FLT1: variants seen among roughly 807,000 people sequenced by gnomAD.
The protein encoded by FLT1 is vascular endothelial growth factor receptor 1.
In FLT1, 49 loss-of-function variants were observed where a neutral mutation model predicts 156.3. The ratio of observed to expected loss-of-function variants is 0.31; its 90% confidence interval spans 0.25 to 0.40. FLT1 has a LOEUF of 0.40. FLT1 is among the 10% of genes least tolerant of loss of function. The pLI is 1.00. For missense variants in FLT1, 1,322 were observed against 1,637.2 expected (o/e 0.81, Z 3.32); for synonymous variants, 594 against 583.8 (o/e 1.02, Z -0.25).
chr13:28,363,622 CTTT>C (rs921224512), intron 14 of FLT1, among the ~76,000 whole-genome samples: 1 of 146,440 alleles, frequency 6.8e-6, no homozygotes, highest in Admixed American at 6.9e-5. Context: ...TATATTTATC[CTTT>C]TTTTTTTTGA....
intron 4 of FLT1, 148 bp from the exon 5 acceptor site, chr13:28,434,368 C>A (rs1877901827): frequency 1.4e-6 from 1 of 733,702 alleles, no homozygotes; most frequent in African/African-American, 1.8e-5. Context: ...AGGTTAAAAA[C>A]TCTAGTTTGT....
intron 10 of FLT1, among the ~76,000 whole-genome samples, chr13:28,421,234 G>A (rs185402444): frequency 2.0e-4 from 31 of 152,028 alleles, no homozygotes; most frequent in African/African-American, 7.2e-4. Flanking sequence ...TTTTGCAAGC[G>A]GTTCCTTGAG....
Position 28,427,810 on chromosome 13 carries a change from C to A in FLT1, c.1218G>T (p.Leu406Phe). ...TEEDAGNYTI[L>F]LSIKQSNVFK... ...ACACATTTGACTGTTTTATGCTCAG[C>A]AAGATTGTATAATTCCCTGCATCCT... The change falls in exon 9 of 30, where the codon TTG (leucine) becomes TTT (phenylalanine). Residue 406 changes from leucine to phenylalanine, a missense_variant. Leu to Phe is a conservative substitution (Grantham distance 22). This residue lies in a region of FLT1 where 991 missense variants were observed against 1,254.8 expected (regional missense o/e 0.79). Coordinates refer to ENST00000282397, the MANE Select transcript of FLT1 (RefSeq NM_002019.4). The A allele has an allele frequency of 1.2e-6, 2 of 1,613,920 alleles. No homozygotes were observed. Among genetic ancestry groups the A allele is most frequent in the Non-Finnish European group, 1.7e-6 (2 of 1,179,848 alleles).
rs1279393472 is a variant in FLT1, at chr13:28,321,444, A to T, written c.3174+19T>A. 23 of 1,613,276 alleles carry T rather than the reference A, an allele frequency of 1.4e-5. No individual in the cohort carries two copies. The highest frequency in any genetic ancestry group is 1.8e-5 in the Non-Finnish European group (21 of 1,179,774). ...GTGATAGGACACACATGAGTCAAAT[A>T]AACATCAAACTGACTTACATCTCCT... On this transcript the variant is annotated intron_variant, in intron 23 of 29. Transcript: ENST00000282397.
chr13:28,318,218 C>T (rs1871283774), intron 24 of FLT1, among the ~76,000 whole-genome samples: 1 of 152,162 alleles, frequency 6.6e-6, no homozygotes, highest in South Asian at 2.1e-4. Context: ...CACTTTCTTG[C>T]AACCTTCCTA....
At chr13:28,345,409 G>T (rs1445484869) in intron 16 of FLT1, 36 bp downstream of exon 16, 2 of 1,311,078 alleles carry the variant, frequency 1.5e-6, no homozygotes, top group African/African-American at 1.5e-5. Context: ...TAGAATATAT[G>T]TAAAAAGGAG....
chr13:28,425,410 T>C (rs893093338), intron 10 of FLT1, among the ~76,000 whole-genome samples: 1 of 152,166 alleles, frequency 6.6e-6, no homozygotes, highest in Non-Finnish European at 1.5e-5. Context: ...GCGAACTTAT[T>C]CCATCACACA....
At chr13:28,461,689 G>T (rs776512089) in intron 3 of FLT1, among the ~76,000 whole-genome samples, 6 of 150,952 alleles carry the variant, frequency 4.0e-5, no homozygotes, top group East Asian at 1.9e-4. Flanking sequence ...CTTGCTCAAG[G>T]TTTCATAGCC....
chr13:28,328,675 G>C (rs1024772677), intron 19 of FLT1, among the ~76,000 whole-genome samples: 1 of 152,232 alleles, frequency 6.6e-6, no homozygotes, highest in East Asian at 1.9e-4. Flanking sequence ...TACGGCGGCA[G>C]ATGCCGCAGA....
chr13:28,385,490 T>C, intron 13 of FLT1: 1 of 1,009,720 alleles, frequency 9.9e-7, no homozygotes. Flanking sequence ...TGGGGGCGTG[T>C]TTGTGTTACT....
rs1267619240 is a variant in FLT1, at chr13:28,339,304, A to G, written c.2356-4T>C. 1 of 1,612,634 alleles carries G rather than the reference A, an allele frequency of 6.2e-7. No homozygotes were observed. The highest frequency in any genetic ancestry group is 8.5e-7 in the Non-Finnish European group (1 of 1,179,142). ...CAGTCTTTATTTCAGAAGAAGACTG[A>G]GAAATAAAGAGATCTCAAAGTCATC... On this transcript the variant is annotated splice_polypyrimidine_tract_variant and splice_region_variant and intron_variant, in intron 16 of 29. Coordinates refer to ENST00000282397, the MANE Select transcript of FLT1 (RefSeq NM_002019.4).
chr13:28,334,491 C>T (rs1354241574), intron 17 of FLT1, among the ~76,000 whole-genome samples: 10 of 152,310 alleles, frequency 6.6e-5, no homozygotes, highest in Non-Finnish European at 1.5e-5. Context: ...CTGTGTGGAA[C>T]CTAAGCTCTT....
chr13:28,418,577 T>A (rs1876795497), intron 10 of FLT1, among the ~76,000 whole-genome samples: 1 of 152,010 alleles, frequency 6.6e-6, no homozygotes. Context: ...CCTTGTATTT[T>A]ATTTATTTAT....
At chr13:28,319,672 G>A in intron 23 of FLT1, 138 bp from the exon 24 acceptor site, 1 of 676,814 alleles carries the variant, frequency 1.5e-6, no homozygotes. Flanking sequence ...TCCTAACATA[G>A]AGAACACCAT....
chr13:28,429,532 C>G (rs1248995797), intron 8 of FLT1, among the ~76,000 whole-genome samples: 1 of 152,088 alleles, frequency 6.6e-6, no homozygotes, highest in Non-Finnish European at 1.5e-5. Context: ...CCAAAAAAAA[C>G]TTAATTAGTT....
At chr13:28,372,076 A>ATATATATATTTTTT (rs1257431752) in intron 14 of FLT1, among the ~76,000 whole-genome samples, 1 of 11,766 alleles carries the variant, frequency 8.5e-5, no homozygotes, top group Non-Finnish European at 1.6e-4. Flanking sequence ...ATATATATAT[A>ATATATATATTTTTT]TTTTTTTTTT....
intron 14 of FLT1, among the ~76,000 whole-genome samples, chr13:28,362,754 T>C (rs1873156980): frequency 6.6e-6 from 1 of 152,172 alleles, no homozygotes; most frequent in South Asian, 2.1e-4. Context: ...TGTGTAATTA[T>C]GAAAGGTGAG....
intron 3 of FLT1, among the ~76,000 whole-genome samples, chr13:28,465,247 C>A (rs75862492): frequency 0.018 from 2,690 of 152,242 alleles, 84 homozygotes; most frequent in African/African-American, 0.062. Flanking sequence ...CAAAATTCCC[C>A]GGCCTACCTC....
intron 14 of FLT1, 44 bp downstream of exon 14, chr13:28,384,841 T>G: frequency 6.3e-7 from 1 of 1,588,980 alleles, no homozygotes; most frequent in Non-Finnish European, 8.6e-7. Flanking sequence ...GGGGGGCTGA[T>G]GAAAGATGAG....
Sources: gnomAD v4.1 joint callset for allele counts (sites outside exome capture counted in the v4.1 genomes callset) on GRCh38, gnomAD v4.1.1 for gene constraint, gnomAD v4.1.1 regional missense constraint, MANE v1.5 for transcripts, NCBI Gene and HGNC (gene_info 2026-07-23, HGNC 2026-07-21) for gene names.